Variants in SNX18 observed in about 807,000 individuals in gnomAD.
SNX18 encodes sorting nexin-18.
Under a neutral mutation model 48.7 loss-of-function variants are expected in SNX18, and 35 were observed. The observed-to-expected ratio is 0.72, with a 90% confidence interval of 0.55 to 0.95. The LOEUF is 0.95. Among genes scored for constraint, SNX18 ranks in the 40% least tolerant of loss-of-function variants. SNX18 has a pLI of 0.00. For synonymous variants in SNX18, 492 were observed against 384.7 expected, an observed-to-expected ratio of 1.28 and a Z score of -3.26; for missense variants, 824 against 871.0, an observed-to-expected ratio of 0.95 and a Z score of 0.68.
At chr5:54,569,202 G>A in the SNX18 span, among the ~76,000 whole-genome samples, 3 of 152,024 alleles carry the variant, frequency 2.0e-5, no homozygotes, top group Non-Finnish European at 4.4e-5. Flanking sequence ...TAAGTAATAT[G>A]AGCTTATTGT....
intron 1 of SNX18, 89 bp downstream of exon 1, chr5:54,519,662 A>G (rs1422592348): frequency 6.2e-7 from 1 of 1,614,094 alleles, no homozygotes; most frequent in African/African-American, 1.3e-5. Flanking sequence ...TGTGGGTTTC[A>G]GAATCATATT....
chr5:54,539,396 G>A (rs372566923), intron 1 of SNX18, among the ~76,000 whole-genome samples: 4 of 152,196 alleles, frequency 2.6e-5, no homozygotes, highest in African/African-American at 9.6e-5. Flanking sequence ...AAAGTGCCTA[G>A]CATATGTTAT....
the SNX18 span, among the ~76,000 whole-genome samples, chr5:54,581,149 T>A: frequency 2.0e-4 from 30 of 152,282 alleles, no homozygotes; most frequent in African/African-American, 7.0e-4. Flanking sequence ...CAGGTTGTGC[T>A]GCACCTTTGA....
chr5:54,598,309 CA>C, the SNX18 span, among the ~76,000 whole-genome samples: 1 of 152,068 alleles, frequency 6.6e-6, no homozygotes, highest in Non-Finnish European at 1.5e-5. Context: ...TCAGCTCCTA[CA>C]AAGAGGAGCT....
the SNX18 span, among the ~76,000 whole-genome samples, chr5:54,628,838 T>C: frequency 1.1e-4 from 16 of 152,212 alleles, no homozygotes; most frequent in Non-Finnish European, 8.8e-5. Context: ...TTAGCCTCCT[T>C]TCTGCCTGTC....
the SNX18 span, among the ~76,000 whole-genome samples, chr5:54,555,693 G>A: frequency 4.1e-4 from 62 of 152,118 alleles, 1 homozygote; most frequent in African/African-American, 1.4e-3. Flanking sequence ...CGGGCATTGT[G>A]GCACATGCCC....
At chr5:54,605,369 T>A in the SNX18 span, among the ~76,000 whole-genome samples, 88 of 150,260 alleles carry the variant, frequency 5.9e-4, no homozygotes, top group East Asian at 8.5e-3. Flanking sequence ...GACTTTTTTT[T>A]AAAAAAAGCA....
At chr5:54,533,131 A>G (rs553630770) in intron 1 of SNX18, among the ~76,000 whole-genome samples, 73 of 152,236 alleles carry the variant, frequency 4.8e-4, no homozygotes, top group African/African-American at 1.6e-3. Context: ...GCAGTTGACT[A>G]TGCTTGTCTT....
chr5:54,559,714 G>T, the SNX18 span, among the ~76,000 whole-genome samples: 1 of 152,154 alleles, frequency 6.6e-6, no homozygotes, highest in Non-Finnish European at 1.5e-5. Flanking sequence ...ATTGACAAAT[G>T]GGGTCTAATT....
intron 1 of SNX18, among the ~76,000 whole-genome samples, chr5:54,527,526 G>A (rs1489724267): frequency 6.6e-6 from 1 of 152,218 alleles, no homozygotes. Flanking sequence ...CAGAACAGGG[G>A]TGGGGAGCAG....
chr5:54,617,490 G>C, the SNX18 span, among the ~76,000 whole-genome samples: 1 of 152,178 alleles, frequency 6.6e-6, no homozygotes, highest in South Asian at 2.1e-4. Context: ...GATTCTCCTT[G>C]TCTGTCAGTG....
At chr5:54,608,448 CTGGTCT>C in the SNX18 span, among the ~76,000 whole-genome samples, 1 of 152,114 alleles carries the variant, frequency 6.6e-6, no homozygotes, top group South Asian at 2.1e-4. Context: ...GTTGCCCAAG[CTGGTCT>C]TGAACTCCTG....
At chr5:54,522,907 A>G (rs563994312) in intron 1 of SNX18, among the ~76,000 whole-genome samples, 2 of 152,348 alleles carry the variant, frequency 1.3e-5, no homozygotes, top group South Asian at 4.1e-4. Flanking sequence ...CCAAAAGAGA[A>G]TTCTGGAATT....
the SNX18 span, among the ~76,000 whole-genome samples, chr5:54,579,802 G>A: frequency 8.5e-5 from 13 of 152,314 alleles, no homozygotes; most frequent in East Asian, 1.7e-3. Flanking sequence ...CAGGAGGGTG[G>A]GGCTGGCCTT....
intron 1 of SNX18, among the ~76,000 whole-genome samples, chr5:54,525,643 C>T (rs755490844): frequency 1.6e-4 from 25 of 152,134 alleles, no homozygotes; most frequent in African/African-American, 5.3e-4. Context: ...AAACTGTCTC[C>T]TCCTGGCTCC....
At chr5:54,614,634 C>G in the SNX18 span, among the ~76,000 whole-genome samples, 1 of 151,924 alleles carries the variant, frequency 6.6e-6, no homozygotes, top group South Asian at 2.1e-4. Context: ...TGGCAAAACC[C>G]CATCTCTACA....
chr5:54,644,218 G>C, the SNX18 span: 1 of 152,264 alleles, frequency 6.6e-6, no homozygotes, highest in Non-Finnish European at 1.5e-5. Context: ...ATTCCAAAGA[G>C]GCAGCAGCGA....
chr5:54,636,101 C>T, the SNX18 span, among the ~76,000 whole-genome samples: 2 of 152,160 alleles, frequency 1.3e-5, no homozygotes, highest in African/African-American at 4.8e-5. Flanking sequence ...GTGCTCCAAT[C>T]CTCTGGGCCC....
At chr5:54,613,818 C>A in the SNX18 span, among the ~76,000 whole-genome samples, 1 of 152,174 alleles carries the variant, frequency 6.6e-6, no homozygotes, top group African/African-American at 2.4e-5. Context: ...CCTGCCTCAG[C>A]CTCCCGAGTA....
Sources: allele counts gnomAD v4.1 joint callset (sites outside exome capture counted in the v4.1 genomes callset), GRCh38; gene constraint gnomAD v4.1.1; transcripts MANE v1.5; gene names NCBI Gene and HGNC (gene_info 2026-07-23, HGNC 2026-07-21).